Variants in FBXL20 observed in about 807,000 individuals in gnomAD.
The protein encoded by FBXL20 is F-box and leucine rich repeat protein 20.
In FBXL20, 11 loss-of-function variants were observed where a neutral mutation model predicts 64.0. That is an observed-to-expected ratio of 0.17 (90% confidence interval 0.11 to 0.28). The LOEUF is 0.28. Among genes scored for constraint, FBXL20 ranks in the 10% least tolerant of loss-of-function variants. The pLI, the probability that FBXL20 is intolerant of heterozygous loss-of-function variation, is 1.00. For missense variants in FBXL20, 303 were observed against 526.2 expected (o/e 0.58, Z 4.15); for synonymous variants, 184 against 189.0 (o/e 0.97, Z 0.22).
chr17:39,362,230 T>A (rs1277375592), intron 1 of FBXL20, among the ~76,000 whole-genome samples: 3 of 151,714 alleles, frequency 2.0e-5, no homozygotes, highest in Non-Finnish European at 4.4e-5. Context: ...GAGGCAGAGC[T>A]TGCAGTGAGC....
At chr17:39,272,485 G>C (rs1667200474) in intron 10 of FBXL20, among the ~76,000 whole-genome samples, 1 of 151,368 alleles carries the variant, frequency 6.6e-6, no homozygotes, top group Non-Finnish European at 1.5e-5. Context: ...GATCACCTGA[G>C]GCCAGGAGTT....
intron 1 of FBXL20, among the ~76,000 whole-genome samples, chr17:39,344,631 C>CA (rs71147320): frequency 0.27 from 41,338 of 151,214 alleles, 6,524 homozygotes; most frequent in South Asian, 0.38. Context: ...ACTAAAAATA[C>CA]AAAAAAAAGT....
chr17:39,350,807 A>T (rs2047680896), intron 1 of FBXL20, among the ~76,000 whole-genome samples: 1 of 152,302 alleles, frequency 6.6e-6, no homozygotes, highest in South Asian at 2.1e-4. Context: ...GGAACTTACA[A>T]GAATTGAAAA....
chr17:39,324,238 C>A (rs1302101054), intron 2 of FBXL20, among the ~76,000 whole-genome samples: 1 of 149,830 alleles, frequency 6.7e-6, no homozygotes, highest in Non-Finnish European at 1.5e-5. Context: ...CTACAGATTC[C>A]TCTAGGTGAG....
chr17:39,295,108 T>C (rs2047072940), intron 6 of FBXL20, among the ~76,000 whole-genome samples: 1 of 152,212 alleles, frequency 6.6e-6, no homozygotes, highest in Non-Finnish European at 1.5e-5. Flanking sequence ...GGTGGGGTTA[T>C]CGATGAAACA....
At chr17:39,386,073 G>A (rs576883329) in intron 1 of FBXL20, among the ~76,000 whole-genome samples, 141 of 149,942 alleles carry the variant, frequency 9.4e-4, no homozygotes, top group African/African-American at 2.9e-3. Context: ...TGCTGGGCGC[G>A]GTGGCTCACA....
chr17:39,374,039 T>C (rs1181744762), intron 1 of FBXL20, among the ~76,000 whole-genome samples: 1 of 151,838 alleles, frequency 6.6e-6, no homozygotes, highest in Non-Finnish European at 1.5e-5. Context: ...CTGGCCAACA[T>C]GGCTAGACCC....
intron 12 of FBXL20, among the ~76,000 whole-genome samples, chr17:39,267,668 G>A (rs1485088022): frequency 6.6e-6 from 1 of 152,146 alleles, no homozygotes; most frequent in African/African-American, 2.4e-5. Context: ...GGTTATGTTA[G>A]GACTGAAAGT....
In FBXL20 at chr17:39,313,571, T is replaced by G. The variant is rs1254740862; in HGVS notation, c.105-9932A>C. Among the ~76,000 whole-genome samples, 12 of 152,034 alleles carry G rather than the reference T, an allele frequency of 7.9e-5. No individual in the cohort carries two copies. In the South Asian group the frequency reaches 2.5e-3, roughly 32 times the overall value. ...TTAGAAACCAAAATAAAAGAATTGG[T>G]GGGGTAGGCTGCCAGGGTTTTAGCT... On this transcript the variant is annotated intron_variant, in intron 2 of 14. Coordinates refer to ENST00000264658, the MANE Select transcript of FBXL20 (RefSeq NM_032875.3).
intron 2 of FBXL20, among the ~76,000 whole-genome samples, chr17:39,314,818 T>C (rs2047270115): frequency 8.1e-6 from 1 of 123,852 alleles, no homozygotes; most frequent in African/African-American, 3.4e-5. Context: ...TTTTTTGAAA[T>C]GGAGTCTCAC....
At chr17:39,295,462 G>A (rs1287483337) in intron 6 of FBXL20, among the ~76,000 whole-genome samples, 7 of 151,958 alleles carry the variant, frequency 4.6e-5, no homozygotes, top group African/African-American at 1.7e-4. Context: ...CACCATGTTG[G>A]CCAGGCTGGC....
intron 1 of FBXL20, 137 bp downstream of exon 1, chr17:39,401,224 G>A (rs1026387935): frequency 6.5e-7 from 1 of 1,531,924 alleles, no homozygotes; most frequent in South Asian, 1.2e-5. Flanking sequence ...GCAAGAAAGG[G>A]GAGCGGAGTC....
At chr17:39,326,227 T>C (rs959963277) in intron 2 of FBXL20, among the ~76,000 whole-genome samples, 2 of 152,086 alleles carry the variant, frequency 1.3e-5, no homozygotes, top group African/African-American at 4.8e-5. Flanking sequence ...CTTTTCTTTA[T>C]AAATTACCCA....
In FBXL20 at chr17:39,275,092, T is replaced by C; in HGVS notation, c.705A>G (p.Thr235=). The change falls in exon 10 of 15, where the codon ACA becomes ACG. Residue 235 remains threonine (T), a synonymous_variant. Transcript: ENST00000264658. ...TGCATATAGTAATGAGACCTTCATC[T>C]GTGATTTGCTAAAAAACAAGAGCAA... ...TLNLQTCLQI[T]DEGLITICRG... is the part of the protein sequence containing the mutation. The C allele has an allele frequency of 4.4e-6, 7 of 1,604,094 alleles. No homozygotes were observed. Among genetic ancestry groups the C allele is most frequent in the Non-Finnish European group, 5.9e-6 (7 of 1,177,024 alleles).
At chr17:39,316,272 T>C (rs1045426705) in intron 2 of FBXL20, among the ~76,000 whole-genome samples, 3 of 150,630 alleles carry the variant, frequency 2.0e-5, no homozygotes, top group African/African-American at 4.9e-5. Context: ...TGTGTACATA[T>C]ATACACGTGT....
chr17:39,324,132 C>T lies in FBXL20; in HGVS notation c.104+19048G>A, dbSNP rs1189315472. Among the ~76,000 whole-genome samples, 3 of 147,420 alleles carry T rather than the reference C, an allele frequency of 2.0e-5. No individual in the cohort carries two copies. The East Asian group carries it at 5.9e-4, about 29-fold the overall frequency. On this transcript the variant is annotated intron_variant, in intron 2 of 14. Transcript: ENST00000264658. ...TCCCAAGATTTAGTTCTTATTCTTA[C>T]ACTTCACCGTGTACTAAAGAACGGC...
intron 10 of FBXL20, among the ~76,000 whole-genome samples, chr17:39,271,628 G>C (rs999523314): frequency 2.2e-3 from 327 of 147,354 alleles, no homozygotes; most frequent in Non-Finnish European, 3.5e-3. Context: ...AAAAAAAGGT[G>C]GGGGGGATTG....
chr17:39,335,234 C>A (rs147347123), intron 2 of FBXL20, among the ~76,000 whole-genome samples: 2 of 151,352 alleles, frequency 1.3e-5, no homozygotes, highest in African/African-American at 2.4e-5. Flanking sequence ...TTCTGTAATA[C>A]GCTTCCCCCT....
At chr17:39,269,853 C>T (rs76258080) in intron 11 of FBXL20, among the ~76,000 whole-genome samples, 2 of 152,004 alleles carry the variant, frequency 1.3e-5, no homozygotes, top group African/African-American at 4.8e-5. Flanking sequence ...TGGGCTCAAG[C>T]GATCTGCTTT....
Sources: gnomAD v4.1 joint callset for allele counts (sites outside exome capture counted in the v4.1 genomes callset) on GRCh38, gnomAD v4.1.1 for gene constraint, MANE v1.5 for transcripts, NCBI Gene and HGNC (gene_info 2026-07-23, HGNC 2026-07-21) for gene names.